Variants in CDH12 observed in about 807,000 individuals in gnomAD.
CDH12 encodes the protein cadherin-12.
Under a neutral mutation model 74.1 loss-of-function variants are expected in CDH12, and 41 were observed. The observed-to-expected ratio is 0.55, with a 90% CI of 0.43 to 0.72. The LOEUF (loss-of-function observed/expected upper bound fraction) is 0.72, where lower values mean the gene tolerates loss of function less well. Ranked by LOEUF, CDH12 falls within the 30% of genes least tolerant of loss-of-function variation. CDH12 has a pLI of 0.00. For missense variants in CDH12, 945 were observed against 977.2 expected (o/e 0.97, Z 0.44); for synonymous variants, 399 against 355.0 (o/e 1.12, Z -1.39).
intron 2 of CDH12, among the ~76,000 whole-genome samples, chr5:22,442,882 C>T (rs1052892144): frequency 3.9e-5 from 6 of 152,044 alleles, no homozygotes; most frequent in Non-Finnish European, 8.8e-5. Flanking sequence ...AATAATCAGT[C>T]TAATCATTTT....
chr5:22,153,887 TAA>T (rs70957095), intron 4 of CDH12, among the ~76,000 whole-genome samples: 5,752 of 68,854 alleles, frequency 0.084, 164 homozygotes, highest in African/African-American at 0.14. Flanking sequence ...TATATATATA[TAA>T]ATATATATAT....
At position 22,291,277 on chromosome 5, in the gene CDH12, G is replaced by A. The variant is rs1737377338; in HGVS notation, c.-332-78634C>T. On this transcript the variant is annotated intron_variant, in intron 3 of 14. Coordinates refer to ENST00000382254, the MANE Select transcript of CDH12 (RefSeq NM_004061.5). ...AGCTAATATCATACTCAACCTAAAA[G>A]TGTCTTCTCTGAGATATAAAAAATG... Among the ~76,000 whole-genome samples, 3 of 152,114 alleles carry A rather than the reference G, an allele frequency of 2.0e-5. No homozygotes were observed. In the South Asian group the frequency reaches 6.2e-4, roughly 31 times the overall value.
In CDH12 at chr5:21,758,771, G is replaced by A. The variant is rs144156865; in HGVS notation, c.1633+1787C>T. Among the ~76,000 whole-genome samples, 361 of 152,264 alleles carry A rather than the reference G, an allele frequency of 2.4e-3. 2 individuals are homozygous for A. Among genetic ancestry groups the A allele is most frequent in the African/African-American group, 8.2e-3 (341 of 41,556 alleles). ...TAGTAGAAGAATAAGTGTACACCAT[G>A]CAATAGTTCACAGCCATAAAAAAGA... On this transcript the variant is annotated intron_variant, in intron 13 of 14. Coordinates refer to ENST00000382254, the MANE Select transcript of CDH12 (RefSeq NM_004061.5).
intron 2 of CDH12, among the ~76,000 whole-genome samples, chr5:22,452,947 A>C (rs2126566443): frequency 6.6e-6 from 1 of 151,106 alleles, no homozygotes; most frequent in Non-Finnish European, 1.5e-5. Context: ...TATATTTTAA[A>C]AGAGGCATAA....
chr5:21,913,101 C>T (rs1264389164), intron 6 of CDH12, among the ~76,000 whole-genome samples: 1 of 152,116 alleles, frequency 6.6e-6, no homozygotes, highest in Non-Finnish European at 1.5e-5. Context: ...CCTTGGCCTC[C>T]CAAAGTGCTA....
intron 1 of CDH12, among the ~76,000 whole-genome samples, chr5:22,680,572 G>A (rs1032314044): frequency 8.6e-5 from 13 of 152,040 alleles, no homozygotes; most frequent in African/African-American, 2.7e-4. Flanking sequence ...ATAAAATCGA[G>A]TTGCTTAACT....
intron 4 of CDH12, among the ~76,000 whole-genome samples, chr5:22,132,348 G>T (rs977992436): frequency 2.6e-4 from 40 of 152,112 alleles, no homozygotes; most frequent in Admixed American, 2.6e-3. Context: ...GGGGGCCCTT[G>T]CTAGGAACTA....
At chr5:22,716,655 C>T (rs945427467) in intron 1 of CDH12, among the ~76,000 whole-genome samples, 4 of 151,128 alleles carry the variant, frequency 2.6e-5, no homozygotes, top group African/African-American at 9.7e-5. Context: ...TCAGGTCCTT[C>T]GGGAGGTATC....
intron 6 of CDH12, among the ~76,000 whole-genome samples, chr5:21,916,888 A>G (rs1002605521): frequency 6.6e-5 from 10 of 152,212 alleles, no homozygotes; most frequent in Admixed American, 3.3e-4. Context: ...AGTTTCACTC[A>G]CGTAGGCTCT....
intron 7 of CDH12, among the ~76,000 whole-genome samples, chr5:21,852,945 CATCTGAT>C (rs1473730446): frequency 6.6e-6 from 1 of 151,342 alleles, no homozygotes; most frequent in African/African-American, 2.4e-5. Flanking sequence ...ATAGTGGCCC[CATCTGAT>C]AAAATGAAAT....
intron 2 of CDH12, among the ~76,000 whole-genome samples, chr5:22,447,985 T>TAAGAAAAAAAA (rs1744890306): frequency 1.2e-5 from 1 of 84,496 alleles, no homozygotes; most frequent in Non-Finnish European, 2.1e-5. Flanking sequence ...TACAAGAAAT[T>TAAGAAAAAAAA]AAAAAAAAAA....
At chr5:22,222,553 T>C (rs1490903286) in intron 3 of CDH12, among the ~76,000 whole-genome samples, 1 of 151,968 alleles carries the variant, frequency 6.6e-6, no homozygotes, top group Non-Finnish European at 1.5e-5. Context: ...TTTTCTTTTC[T>C]AAAATTGTCA....
At chr5:22,155,453 A>C (rs2150314658) in intron 4 of CDH12, among the ~76,000 whole-genome samples, 1 of 152,282 alleles carries the variant, frequency 6.6e-6, no homozygotes, top group African/African-American at 2.4e-5. Context: ...AAACATAGTT[A>C]GAAATTTAGG....
At chr5:22,409,477 A>G (rs1743089154) in intron 2 of CDH12, among the ~76,000 whole-genome samples, 1 of 152,108 alleles carries the variant, frequency 6.6e-6, no homozygotes, top group African/African-American at 2.4e-5. Context: ...TTCCAAGTTT[A>G]GGATATCACT....
intron 2 of CDH12, among the ~76,000 whole-genome samples, chr5:22,434,453 G>C (rs1311127599): frequency 6.6e-6 from 1 of 151,820 alleles, no homozygotes; most frequent in Non-Finnish European, 1.5e-5. Context: ...TGAGTTACTA[G>C]ATATTTCCAT....
intron 11 of CDH12, among the ~76,000 whole-genome samples, chr5:21,781,960 G>T (rs1237063307): frequency 6.6e-6 from 1 of 152,142 alleles, no homozygotes; most frequent in South Asian, 2.1e-4. Context: ...TTGTAAAATT[G>T]TGACAAATAA....
At chr5:21,938,819 C>G (rs1478685685) in intron 6 of CDH12, among the ~76,000 whole-genome samples, 1 of 145,534 alleles carries the variant, frequency 6.9e-6, no homozygotes, top group Non-Finnish European at 1.5e-5. Flanking sequence ...CAATTTTTAC[C>G]AGGTTTGAAA....
At chr5:22,238,954 G>A (rs1018510628) in intron 3 of CDH12, among the ~76,000 whole-genome samples, 3 of 152,136 alleles carry the variant, frequency 2.0e-5, no homozygotes, top group South Asian at 4.1e-4. Context: ...AAATCTAGAC[G>A]TTAGGGAAAG....
intron 2 of CDH12, among the ~76,000 whole-genome samples, chr5:22,429,784 C>G (rs1002754632): frequency 5.3e-5 from 8 of 152,284 alleles, no homozygotes; most frequent in Middle Eastern, 3.4e-3. Flanking sequence ...AACATCTACA[C>G]AAAGCTCTCC....
Sources: allele counts gnomAD v4.1 joint callset (sites outside exome capture counted in the v4.1 genomes callset), GRCh38; gene constraint gnomAD v4.1.1; transcripts MANE v1.5; gene names NCBI Gene and HGNC (gene_info 2026-07-23, HGNC 2026-07-21).